The following SETX variants were observed in gnomAD, a reference collection of about 807,000 sequenced individuals.
SETX encodes the protein senataxin.
SETX carries 90 observed loss-of-function variants against 227.2 expected under a neutral mutation model. The observed-to-expected ratio is 0.40, with a 90% CI of 0.33 to 0.47. SETX has a LOEUF of 0.47. Among genes scored for constraint, SETX ranks in the 20% least tolerant of loss-of-function variants. The pLI is 0.91. For synonymous variants in SETX, 1,210 were observed against 1,113.2 expected (o/e 1.09, Z -1.73); for missense variants, 3,052 against 3,181.5 (o/e 0.96, Z 0.98).
At chr9:132,352,663 T>C (rs1184867587) in intron 2 of SETX, among the ~76,000 whole-genome samples, 1 of 152,212 alleles carries the variant, frequency 6.6e-6, no homozygotes, top group African/African-American at 2.4e-5. Context: ...AGTGAAATGA[T>C]GCACTGTTCC....
intron 7 of SETX, among the ~76,000 whole-genome samples, chr9:132,332,066 C>T (rs545972863): frequency 6.6e-6 from 1 of 152,322 alleles, no homozygotes; most frequent in Non-Finnish European, 1.5e-5. Flanking sequence ...CATCCAACCT[C>T]CTGCTTCTCT....
Position 132,329,415 on chromosome 9 carries a change from G to T in SETX, c.2183C>A (p.Ser728Ter), listed in dbSNP as rs1847075925. 6.2e-7 allele frequency: 1 copy of T among 1,613,570 alleles called. No homozygotes were observed. Among genetic ancestry groups the T allele is most frequent in the African/African-American group, 1.3e-5 (1 of 74,902 alleles). ...ACATCCCCTTTCTGGACCATTTCTT[G>T]AAGTACAGTCCTTTGGTGTATATGA... ...ISSYTPKDCT[S>*]RNGPERGCDR... Residue 728 changes from serine to a stop codon, truncating the protein, a stop_gained, in exon 10 of 26, where the codon TCA (serine) becomes TAA (stop). Transcript: ENST00000224140. LOFTEE classifies it high-confidence loss of function.
At chr9:132,272,504 A>G (rs1842952027) in intron 23 of SETX, among the ~76,000 whole-genome samples, 1 of 151,422 alleles carries the variant, frequency 6.6e-6, no homozygotes, top group African/African-American at 2.4e-5. Flanking sequence ...AGAGAGAGAC[A>G]GAGTCTCACT....
rs200269892 is a variant in SETX, at chr9:132,286,468, G to A, written c.6351C>T (p.Ser2117=). 85 of 1,613,150 alleles carry A rather than the reference G, an allele frequency of 5.3e-5. No individual in the cohort carries two copies. The Middle Eastern group carries it at 1.8e-3, about 34-fold the overall frequency. ...IQRQELDENI[S]KVSKERQELA... Reference sequence around the variant, plus strand: ...GTTCCTGCCTTTCCTTAGAAACTTTGGAAATGTTTTCATCTAATTCTTGCC... The same window carrying A: ...GTTCCTGCCTTTCCTTAGAAACTTTAGAAATGTTTTCATCTAATTCTTGCC... Residue 2117 remains serine, a synonymous_variant, in exon 18 of 26, where the codon TCC becomes TCT. Coordinates refer to ENST00000224140, the MANE Select transcript of SETX (RefSeq NM_015046.7).
chr9:132,261,597 T>C lies in SETX; in HGVS notation c.*2642A>G, dbSNP rs904967189. 3 of 152,800 alleles carry C rather than the reference T, an allele frequency of 2.0e-5. No homozygotes were observed. The highest frequency in any genetic ancestry group is 4.8e-5 in the African/African-American group (2 of 41,458). 9.5% of individuals were successfully genotyped at this position (152,800 alleles called of 1,614,324 possible). A position where few individuals can be genotyped will look rare whatever the true frequency, so the allele number is the denominator to read the frequency against. ...AAATCGCAGCTATTAATTCACAGCA[T>C]AGAAAAGTCAAAGCTATAGCAAAAA... On this transcript the variant is annotated 3_prime_UTR_variant, in exon 26 of 26. Transcript: ENST00000224140.
chr9:132,346,048 C>A (rs1180662696), intron 4 of SETX, among the ~76,000 whole-genome samples: 2 of 151,994 alleles, frequency 1.3e-5, no homozygotes, highest in African/African-American at 4.8e-5. Context: ...TCTTCAGTTA[C>A]CCTCTGAACA....
At position 132,283,497 on chromosome 9, in the gene SETX, C is replaced by T. The variant is rs757170942; in HGVS notation, c.6397-84G>A. The stretch of plus-strand genomic sequence containing the variant: ...GCCTATGTTTACTATAAAACACTCA[C>T]TATTTATTAAAATAGATTTATGACA... On this transcript the variant is annotated intron_variant, in intron 18 of 25. Coordinates refer to ENST00000224140, the MANE Select transcript of SETX (RefSeq NM_015046.7). 5 of 1,485,582 alleles carry T rather than the reference C, an allele frequency of 3.4e-6. No individual in the cohort carries two copies. In the South Asian group the frequency reaches 4.6e-5, roughly 14 times the overall value. 92.0% of individuals were successfully genotyped at this position (1,485,582 alleles called of 1,614,324 possible). A position where few individuals can be genotyped will look rare whatever the true frequency, so the allele number is the denominator to read the frequency against.
rs911832984 is a variant in SETX, at chr9:132,278,374, T to C, written c.6655-117A>G. 4.3e-5 allele frequency: 40 copies of C among 926,482 alleles called. 2 individuals are homozygous for C. The South Asian group carries it at 5.2e-4, about 12-fold the overall frequency. 57.4% of individuals were successfully genotyped at this position (926,482 alleles called of 1,614,324 possible). On this transcript the variant is annotated intron_variant, in intron 20 of 25. Transcript: ENST00000224140. ...ATGGCAACGTTCAGGTAGCATAAGA[T>C]TACCAACCACAGCTTCAGAGAAAAA... is the stretch of plus-strand genomic sequence containing the variant.
chr9:132,281,736 A>C (rs1490899901), intron 19 of SETX, among the ~76,000 whole-genome samples, 162 bp from the exon 20 acceptor site: 1 of 152,126 alleles, frequency 6.6e-6, no homozygotes, highest in Non-Finnish European at 1.5e-5. Context: ...ACAAAACAAA[A>C]CCAACAAAAT....
chr9:132,353,403 G>C (rs1848705033), intron 2 of SETX, among the ~76,000 whole-genome samples: 1 of 152,006 alleles, frequency 6.6e-6, no homozygotes. Context: ...AAGATCCTAT[G>C]GATAAAATTG....
Position 132,335,032 on chromosome 9 carries a change from G to GAA in SETX, c.719-307_719-306dup, listed in dbSNP as rs58780019. Among the ~76,000 whole-genome samples, 8,203 of 148,518 alleles carry GAA rather than the reference G, an allele frequency of 0.055. 370 individuals carry two copies. Among genetic ancestry groups the GAA allele is most frequent in the East Asian group, 0.17 (863 of 5,110 alleles). On this transcript the variant is annotated intron_variant, in intron 6 of 25. Coordinates refer to ENST00000224140, the MANE Select transcript of SETX (RefSeq NM_015046.7). ...CCATATTCCATATACCACTAAGAAA[G>GAA]AAAAAAAAAATCACTGCCATTTATG...
At chr9:132,356,598 G>A (rs1848925505), upstream of SETX, among the ~76,000 whole-genome samples, 1 of 152,168 alleles carries the variant, frequency 6.6e-6, no homozygotes, top group African/African-American at 2.4e-5. Flanking sequence ...ACAATTAGTA[G>A]TGGTGACTCA....
Position 132,328,312 on chromosome 9 carries a change from G to A in SETX, c.3286C>T (p.His1096Tyr), listed in dbSNP as rs956612292. ...TGAACTGAATTATTATCGTCTGGATGATCTTGCCAAACTGAAAACACTTCA... is the reference window on the plus strand; with the variant it reads ...TGAACTGAATTATTATCGTCTGGATAATCTTGCCAAACTGAAAACACTTCA... The part of the protein sequence containing the change: ...SSEVFSVWQD[H>Y]PDDNNSVQDG... Residue 1096 changes from histidine (H) to tyrosine (Y), a missense_variant, in exon 10 of 26, where the codon CAT becomes TAT. Physicochemically the swap from His to Tyr is moderately conservative, Grantham distance 83. This residue lies in a region of SETX where 1,483 missense variants were observed against 1,312.0 expected (regional missense o/e 1.13). Transcript: ENST00000224140. 6.2e-7 allele frequency: 1 copy of A among 1,613,850 alleles called. No individual in the cohort carries two copies. The highest frequency in any genetic ancestry group is 8.5e-7 in the Non-Finnish European group (1 of 1,180,008).
intron 25 of SETX, among the ~76,000 whole-genome samples, chr9:132,265,706 T>G (rs1260165311): frequency 6.6e-6 from 1 of 152,204 alleles, no homozygotes; most frequent in Non-Finnish European, 1.5e-5. Context: ...TACTGAGCAG[T>G]GCAGACACAA....
At chr9:132,296,760 C>A in intron 14 of SETX, 127 bp downstream of exon 14, 1 of 893,144 alleles carries the variant, frequency 1.1e-6, no homozygotes, top group Non-Finnish European at 1.8e-6. Context: ...CAGTTACACA[C>A]AATATAAAAA....
chr9:132,325,030 G>A (rs746386700), intron 10 of SETX, among the ~76,000 whole-genome samples: 54 of 152,178 alleles, frequency 3.5e-4, no homozygotes, highest in Non-Finnish European at 4.6e-4. Flanking sequence ...TGGGGTTGGG[G>A]AGGCTGTTAC....
chr9:132,311,809 C>G lies in SETX; in HGVS notation c.5322G>C (p.Gln1774His). 6.2e-7 allele frequency: 1 copy of G among 1,613,790 alleles called. No homozygotes were observed. Among genetic ancestry groups the G allele is most frequent in the Non-Finnish European group, 8.5e-7 (1 of 1,179,930 alleles). The change falls in exon 11 of 26, where the codon CAG becomes CAC. Residue 1774 changes from glutamine (Q) to histidine (H), a missense_variant. Physicochemically the swap from Gln to His is conservative, Grantham distance 24 (BLOSUM62 0). This residue lies in a region of SETX where 239 missense variants were observed against 272.1 expected (regional missense o/e 0.88). Transcript: ENST00000224140. The part of the protein sequence containing the change: ...LNSPNRENFY[Q>H]LQVRKFPADY... The stretch of plus-strand genomic sequence containing the variant: ...CGGCAGGAAATTTTCGTACTTGCAA[C>G]TGATAGAAATTCTCTCTATTTGGAG...
At chr9:132,280,720 T>C (rs924098604) in intron 20 of SETX, among the ~76,000 whole-genome samples, 1 of 150,926 alleles carries the variant, frequency 6.6e-6, no homozygotes, top group African/African-American at 2.5e-5. Flanking sequence ...AAATAATCTA[T>C]GTTATTAGTA....
Position 132,326,924 on chromosome 9 carries a change from T to C in SETX, c.4674A>G (p.Thr1558=), listed in dbSNP as rs759118107. Residue 1558 remains threonine (T), a synonymous_variant, in exon 10 of 26, where the codon ACA becomes ACG. Coordinates refer to ENST00000224140, the MANE Select transcript of SETX (RefSeq NM_015046.7). ...KCKYKDCLET[T]KNQGEYCPKH... is the part of the protein sequence containing the mutation. ...TTGGGCAGTATTCACCCTGGTTTTT[T>C]GTGGTTTCAAGACAATCTTTGTACT... 6.2e-7 allele frequency: 1 copy of C among 1,614,224 alleles called. No individual in the cohort carries two copies. The highest frequency in any genetic ancestry group is 2.2e-5 in the East Asian group (1 of 44,882).
Sources: allele counts gnomAD v4.1 joint callset (sites outside exome capture counted in the v4.1 genomes callset), GRCh38; gene constraint gnomAD v4.1.1; regional missense constraint gnomAD v4.1.1; transcripts MANE v1.5; gene names NCBI Gene and HGNC (gene_info 2026-07-23, HGNC 2026-07-21).